The following LCORL variants were observed in gnomAD, a reference collection of about 807,000 sequenced individuals.
The protein encoded by LCORL is ligand dependent nuclear receptor corepressor like, also known as ligand-dependent nuclear receptor corepressor-like protein.
LCORL carries 41 observed loss-of-function variants against 141.8 expected under a neutral mutation model. The observed-to-expected ratio is 0.29, with a 90% CI of 0.23 to 0.38. LCORL has a LOEUF of 0.38. Among genes scored for constraint, LCORL ranks in the 10% least tolerant of loss-of-function variants. LCORL has a pLI of 1.00. For synonymous variants in LCORL, 618 were observed against 694.1 expected (o/e 0.89, Z 1.72); for missense variants, 1,759 against 2,035.0 (o/e 0.86, Z 2.61).
chr4:17,914,029 T>C (rs1171040941), intron 4 of LCORL, among the ~76,000 whole-genome samples: 1 of 152,234 alleles, frequency 6.6e-6, no homozygotes, highest in Non-Finnish European at 1.5e-5. Context: ...ACTGGAAAAA[T>C]ATAAAAGACA....
chr4:17,924,261 ACTT>A (rs892910643), intron 4 of LCORL, among the ~76,000 whole-genome samples: 2 of 152,200 alleles, frequency 1.3e-5, no homozygotes, highest in Admixed American at 6.5e-5. Context: ...GGATAGGATG[ACTT>A]CTTCTGTGGA....
At chr4:17,928,515 G>A (rs1189763569) in intron 4 of LCORL, among the ~76,000 whole-genome samples, 4 of 152,196 alleles carry the variant, frequency 2.6e-5, no homozygotes, top group Non-Finnish European at 5.9e-5. Context: ...TGTAGAGAAA[G>A]TCCTTGACAA....
intron 4 of LCORL, among the ~76,000 whole-genome samples, chr4:17,929,429 A>G (rs1560358766): frequency 6.6e-6 from 1 of 152,230 alleles, no homozygotes; most frequent in Non-Finnish European, 1.5e-5. Flanking sequence ...GACATGTAGA[A>G]CAATGGAAAA....
intron 4 of LCORL, among the ~76,000 whole-genome samples, chr4:17,952,947 G>A (rs1577527561): frequency 6.6e-6 from 1 of 151,406 alleles, no homozygotes; most frequent in Admixed American, 6.6e-5. Context: ...GTGCCCATTA[G>A]TTCTCATTAC....
At chr4:17,964,815 T>A (rs1401872232) in intron 2 of LCORL, among the ~76,000 whole-genome samples, 1 of 151,440 alleles carries the variant, frequency 6.6e-6, no homozygotes, top group Non-Finnish European at 1.5e-5. Context: ...AAAACATGAT[T>A]CCTATGCCAA....
intron 7 of LCORL, among the ~76,000 whole-genome samples, chr4:17,861,202 C>T (rs768191102): frequency 2.5e-4 from 38 of 152,260 alleles, no homozygotes; most frequent in Non-Finnish European, 5.3e-4. Flanking sequence ...CATGAGGGCC[C>T]TGCCCCTGCA....
intron 4 of LCORL, among the ~76,000 whole-genome samples, chr4:17,957,159 G>C (rs1490358645): frequency 6.6e-6 from 1 of 151,844 alleles, no homozygotes; most frequent in African/African-American, 2.4e-5. Context: ...AGCTATGATG[G>C]GAATAGTATT....
At chr4:17,873,546 C>T (rs754316944) in exon 7 of LCORL, 27 of 1,233,850 alleles carry the variant, frequency 2.2e-5, no homozygotes, top group Non-Finnish European at 2.6e-5. Context: ...AAAGTTAACA[C>T]ATTTGCTTAA....
At position 17,880,057 on chromosome 4, in the gene LCORL, TTA is replaced by T. The variant is rs1350574803; in HGVS notation, c.777-1846_777-1845del. On this transcript the variant is annotated intron_variant, in intron 6 of 7. Coordinates refer to ENST00000635767, the Ensembl canonical transcript of LCORL. ...TTTTCTGACATTCTAAGCAAAGCTT[TTA>T]GAGTTTTCTTATTCAATTTATTAAT... Among the ~76,000 whole-genome samples, 12 of 151,148 alleles carry T rather than the reference TTA, an allele frequency of 7.9e-5. No individual in the cohort carries two copies. In the East Asian group the frequency reaches 2.3e-3, roughly 29 times the overall value.
rs1725494940 is a variant in LCORL at position 18,021,148 on chromosome 4, T to G, written c.154+450A>C. 6.6e-6 allele frequency among the ~76,000 whole-genome samples: 1 copy of G among 151,820 alleles called. No individual in the cohort carries two copies. Among genetic ancestry groups the G allele is most frequent in the Non-Finnish European group, 1.5e-5 (1 of 67,912 alleles). The stretch of plus-strand genomic sequence containing the variant: ...GGCCCCCGGCGGCGACAAGGGGGTG[T>G]GTGTGCGCTCGGCGGGGGCGCGGAC... On this transcript the variant is annotated intron_variant, in intron 1 of 7. Coordinates refer to ENST00000635767, the Ensembl canonical transcript of LCORL. This position sits in a 1 kb window ranked among gnomAD's most constrained non-coding sequence, Gnocchi z 5.5.
At chr4:17,965,289 C>A (rs1714648976) in intron 2 of LCORL, among the ~76,000 whole-genome samples, 1 of 152,022 alleles carries the variant, frequency 6.6e-6, no homozygotes, top group Non-Finnish European at 1.5e-5. Context: ...TGGTGGGATA[C>A]ATTTTTCTAC....
At chr4:17,895,407 T>C (rs556996611) in intron 5 of LCORL, among the ~76,000 whole-genome samples, 2 of 152,250 alleles carry the variant, frequency 1.3e-5, no homozygotes, top group South Asian at 4.1e-4. Context: ...ATACACATAT[T>C]GTATTTGTCC....
chr4:17,875,859 C>T, exon 7 of LCORL: 4 of 1,231,150 alleles, frequency 3.2e-6, no homozygotes, highest in Non-Finnish European at 4.1e-6. Flanking sequence ...TGTAGAGGAT[C>T]CTGCAGTTTC....
chr4:17,977,335 T>G (rs1025714516), intron 1 of LCORL, among the ~76,000 whole-genome samples: 1 of 152,198 alleles, frequency 6.6e-6, no homozygotes, highest in Non-Finnish European at 1.5e-5. Context: ...AAAGTTATTG[T>G]TATCATTTTA....
chr4:17,996,228 TTACTTA>T (rs1453005279), intron 1 of LCORL, among the ~76,000 whole-genome samples: 2 of 152,120 alleles, frequency 1.3e-5, no homozygotes, highest in African/African-American at 4.8e-5. Flanking sequence ...CTGTAAATTA[TTACTTA>T]TAAAGTTGTA....
chr4:17,924,890 G>A (rs1327732583), intron 4 of LCORL, among the ~76,000 whole-genome samples: 7 of 152,328 alleles, frequency 4.6e-5, no homozygotes, highest in African/African-American at 1.7e-4. Flanking sequence ...CCAGAAGGCT[G>A]TGCATGCTCT....
chr4:17,938,400 T>C (rs1393781951), intron 4 of LCORL, among the ~76,000 whole-genome samples: 4 of 150,524 alleles, frequency 2.7e-5, no homozygotes, highest in Non-Finnish European at 5.9e-5. Flanking sequence ...TTTACTTCAT[T>C]TTGTAACTGT....
At chr4:17,935,091 C>T (rs1216233295) in intron 4 of LCORL, among the ~76,000 whole-genome samples, 3 of 152,018 alleles carry the variant, frequency 2.0e-5, no homozygotes, top group Non-Finnish European at 4.4e-5. Context: ...ACATACTTTG[C>T]CCATTAATGA....
intron 4 of LCORL, chr4:17,912,958 AC>A: frequency 2.2e-6 from 1 of 455,892 alleles, no homozygotes; most frequent in Non-Finnish European, 4.3e-6. Flanking sequence ...GACCAGTGAC[AC>A]CAAAGTTCTA....
Sources: gnomAD v4.1 joint callset for allele counts (sites outside exome capture counted in the v4.1 genomes callset) on GRCh38, gnomAD v4.1.1 for gene constraint, Gnocchi (gnomAD v3.1) non-coding constraint, MANE v1.5 for transcripts, NCBI Gene and HGNC (gene_info 2026-07-23, HGNC 2026-07-21) for gene names.